MTUS2: variants seen among roughly 807,000 people sequenced by gnomAD.
MTUS2 encodes the protein microtubule associated scaffold protein 2.
In MTUS2, 40 loss-of-function variants were observed where a neutral mutation model predicts 114.1. The ratio of observed to expected loss-of-function variants is 0.35; its 90% CI spans 0.27 to 0.46. MTUS2 has a LOEUF of 0.46. Ranked by LOEUF, MTUS2 falls within the 20% of genes least tolerant of loss-of-function variation. The pLI, the probability that MTUS2 is intolerant of heterozygous loss-of-function variation, is 1.00. For missense variants in MTUS2, 1,679 were observed against 1,705.4 expected, an observed-to-expected ratio of 0.98 and a Z score of 0.27; for synonymous variants, 688 against 672.0, an observed-to-expected ratio of 1.02 and a Z score of -0.37.
At position 29,455,008 on chromosome 13, in the gene MTUS2, C is replaced by T. The variant is rs1263375781; in HGVS notation, c.3184+14959C>T. On this transcript the variant is annotated intron_variant, in intron 9 of 15. Coordinates refer to ENST00000612955, the MANE Select transcript of MTUS2 (RefSeq NM_001033602.4). Reference sequence around the variant, plus strand: ...CACATTTGACACCATAGCCTGTAATCCTTGGGAAAAGGGAAGCACATGAAA... The same window carrying T: ...CACATTTGACACCATAGCCTGTAATTCTTGGGAAAAGGGAAGCACATGAAA... 2.6e-5 allele frequency among the ~76,000 whole-genome samples: 4 copies of T among 152,218 alleles called. No individual in the cohort carries two copies. The East Asian group carries it at 7.7e-4, about 29-fold the overall frequency.
chr13:29,480,016 G>C lies in MTUS2; in HGVS notation c.3185-134G>C, dbSNP rs1881030696. On this transcript the variant is annotated intron_variant, in intron 9 of 15. Coordinates refer to ENST00000612955, the MANE Select transcript of MTUS2 (RefSeq NM_001033602.4). This position sits in a 1 kb window ranked among gnomAD's most constrained non-coding sequence, Gnocchi z 4.4. ...TGGAAAGGAAAGCACTTTACAAACT[G>C]TGTAGCCCTGCAGAAGTCAGAGGAC... 4 of 814,556 alleles carry C rather than the reference G, an allele frequency of 4.9e-6. No individual in the cohort carries two copies. The highest frequency in any genetic ancestry group is 5.4e-5 in the East Asian group (2 of 37,234). The allele number at this position is 814,556 out of a possible 1,614,324, so 50.5% of individuals were successfully genotyped here.
intron 4 of MTUS2, among the ~76,000 whole-genome samples, chr13:29,084,356 C>A (rs1275631742): frequency 6.6e-6 from 1 of 151,372 alleles, no homozygotes; most frequent in Non-Finnish European, 1.5e-5. Flanking sequence ...CTTCCCTCCA[C>A]CCTCCTTAAA....
intron 5 of MTUS2, among the ~76,000 whole-genome samples, chr13:29,223,773 G>C (rs748481040): frequency 6.6e-6 from 1 of 152,240 alleles, no homozygotes; most frequent in African/African-American, 2.4e-5. Flanking sequence ...AGGATCTGTG[G>C]CCCTCCTGGG....
intron 4 of MTUS2, among the ~76,000 whole-genome samples, chr13:29,044,399 A>G (rs535987791): frequency 3.3e-5 from 5 of 152,134 alleles, no homozygotes; most frequent in Non-Finnish European, 7.3e-5. Flanking sequence ...GTTTGTTTAC[A>G]ATATGCCTTG....
chr13:28,825,841 A>G (rs1163899813), intron 1 of MTUS2, among the ~76,000 whole-genome samples: 4 of 152,196 alleles, frequency 2.6e-5, no homozygotes, highest in African/African-American at 9.7e-5. Flanking sequence ...GTGGGTAGGG[A>G]GCATCACAGC....
chr13:29,026,718 T>C lies in MTUS2; in HGVS notation c.2020T>C (p.Cys674Arg), dbSNP rs754764857. 5.0e-6 allele frequency: 8 copies of C among 1,613,952 alleles called. No individual in the cohort carries two copies. The East Asian group carries it at 1.3e-4, about 27-fold the overall frequency. ...PVGLPYAPPT[C>R]TMPLPHEEKA... ...GGGGCTTCCATATGCCCCGCCCACATGTACCATGCCTCTTCCCCACGAAGA... is the reference window on the plus strand; with the variant it reads ...GGGGCTTCCATATGCCCCGCCCACACGTACCATGCCTCTTCCCCACGAAGA... The change falls in exon 3 of 16, where the codon TGT becomes CGT. Residue 674 changes from cysteine to arginine, a missense_variant. Physicochemically the swap from Cys to Arg is radical, Grantham distance 180. Transcript: ENST00000612955.
At chr13:29,280,217 T>G (rs1047919651) in intron 5 of MTUS2, among the ~76,000 whole-genome samples, 1 of 152,220 alleles carries the variant, frequency 6.6e-6, no homozygotes, top group Non-Finnish European at 1.5e-5. Context: ...ATTTTTTATC[T>G]GCATTATTTT....
intron 8 of MTUS2, among the ~76,000 whole-genome samples, chr13:29,436,736 C>T (rs1877434608): frequency 6.6e-6 from 1 of 151,820 alleles, no homozygotes; most frequent in African/African-American, 2.4e-5. Flanking sequence ...GGAGATGGTA[C>T]AAGGTCTCTA....
chr13:29,088,500 C>G (rs1889798127), intron 4 of MTUS2, among the ~76,000 whole-genome samples: 1 of 152,078 alleles, frequency 6.6e-6, no homozygotes, highest in Admixed American at 6.5e-5. Context: ...TCCATTTGTT[C>G]AAGTGTTGAG....
chr13:29,139,896 T>G (rs1180523149), intron 5 of MTUS2, among the ~76,000 whole-genome samples: 1 of 152,174 alleles, frequency 6.6e-6, no homozygotes, highest in Non-Finnish European at 1.5e-5. Context: ...CCTCTGGCGC[T>G]CTCTCCATCA....
At chr13:29,137,719 C>T (rs541068053) in intron 5 of MTUS2, among the ~76,000 whole-genome samples, 22 of 151,894 alleles carry the variant, frequency 1.4e-4, no homozygotes, top group African/African-American at 4.1e-4. Flanking sequence ...CAGGTTCAAG[C>T]GATTCTCCTG....
At chr13:28,998,525 C>T (rs192853845) in intron 2 of MTUS2, among the ~76,000 whole-genome samples, 1 of 152,326 alleles carries the variant, frequency 6.6e-6, no homozygotes, top group Non-Finnish European at 1.5e-5. Flanking sequence ...CTTTCAGGTA[C>T]ACCAGTCAGA....
intron 5 of MTUS2, among the ~76,000 whole-genome samples, chr13:29,222,827 C>T (rs1381753932): frequency 2.0e-5 from 3 of 152,240 alleles, no homozygotes; most frequent in African/African-American, 7.2e-5. Flanking sequence ...CTGGCATCTG[C>T]TCCAATTGCG....
At chr13:29,252,202 C>A (rs1236433993) in intron 5 of MTUS2, among the ~76,000 whole-genome samples, 3 of 152,114 alleles carry the variant, frequency 2.0e-5, no homozygotes, top group African/African-American at 4.8e-5. Flanking sequence ...ATAATCGTAT[C>A]TTAATAATTA....
chr13:29,024,790 G>A lies in MTUS2; in HGVS notation c.92G>A (p.Ser31Asn), dbSNP rs200517829. The part of the protein sequence containing the change: ...AARNNNESIL[S>N]LGDTNANQIM... ...AGAAATAATAATGAAAGCATCTTAA[G>A]TCTGGGAGATACGAATGCCAATCAA... The change falls in exon 3 of 16, where the codon AGT becomes AAT. Residue 31 changes from serine (S) to asparagine (N), a missense_variant. Ser to Asn is a conservative substitution (Grantham distance 46, BLOSUM62 1). Coordinates refer to ENST00000612955, the MANE Select transcript of MTUS2 (RefSeq NM_001033602.4). 201 of 1,613,900 alleles carry A rather than the reference G, an allele frequency of 1.2e-4. No individual in the cohort carries two copies. The highest frequency in any genetic ancestry group is 1.5e-4 in the Non-Finnish European group (176 of 1,179,906).
At chr13:29,179,256 T>G (rs1403414949) in intron 5 of MTUS2, among the ~76,000 whole-genome samples, 1 of 152,226 alleles carries the variant, frequency 6.6e-6, no homozygotes, top group Non-Finnish European at 1.5e-5. Context: ...ACATCTCTGA[T>G]TATCTTCCAA....
intron 2 of MTUS2, among the ~76,000 whole-genome samples, chr13:28,845,889 A>G (rs1875845923): frequency 6.6e-6 from 1 of 151,942 alleles, no homozygotes; most frequent in South Asian, 2.1e-4. Flanking sequence ...TGAAATGAGA[A>G]GGGAGAGCAC....
At chr13:28,992,895 C>T (rs1157931779) in intron 2 of MTUS2, among the ~76,000 whole-genome samples, 1 of 152,160 alleles carries the variant, frequency 6.6e-6, no homozygotes, top group African/African-American at 2.4e-5. Flanking sequence ...CCATCTCTCC[C>T]CACAGCCCCT....
intron 5 of MTUS2, among the ~76,000 whole-genome samples, chr13:29,277,346 T>G (rs80013354): frequency 0.15 from 23,449 of 152,232 alleles, 2,025 homozygotes; most frequent in African/African-American, 0.23. Context: ...AAAAGAAGAC[T>G]TAATTGTGTC....
Sources: gnomAD v4.1 joint callset for allele counts (sites outside exome capture counted in the v4.1 genomes callset) on GRCh38, gnomAD v4.1.1 for gene constraint, Gnocchi (gnomAD v3.1) non-coding constraint, MANE v1.5 for transcripts, NCBI Gene and HGNC (gene_info 2026-07-23, HGNC 2026-07-21) for gene names.